Variants in RANBP2 observed in about 807,000 individuals in gnomAD.
RANBP2 encodes RAN binding protein 2.
Under a neutral mutation model 303.6 loss-of-function variants are expected in RANBP2, and 57 were observed. The observed-to-expected ratio is 0.19, with a 90% CI of 0.15 to 0.23. RANBP2 has a LOEUF of 0.23. Ranked by LOEUF, RANBP2 falls within the 10% of genes least tolerant of loss-of-function variation. The pLI is 1.00. For synonymous variants in RANBP2, 1,167 were observed against 1,301.5 expected (o/e 0.90, Z 2.23); for missense variants, 3,138 against 3,780.8 (o/e 0.83, Z 4.46).
At chr2:109,297,245 A>C in the RANBP2 span, among the ~76,000 whole-genome samples, 1 of 152,132 alleles carries the variant, frequency 6.6e-6, no homozygotes, top group African/African-American at 2.4e-5. Flanking sequence ...TGACACCATC[A>C]TCATCATCGT....
chr2:109,615,194 C>G, the RANBP2 span: 1 of 1,548,404 alleles, frequency 6.5e-7, no homozygotes, highest in Non-Finnish European at 8.7e-7. Flanking sequence ...GGGGAGGACG[C>G]GGCAGAGGCG....
At chr2:109,135,217 A>G in the RANBP2 span, among the ~76,000 whole-genome samples, 1 of 151,864 alleles carries the variant, frequency 6.6e-6, no homozygotes, top group African/African-American at 2.4e-5. Flanking sequence ...TTCTTGTTAC[A>G]CCCCTGGGGA....
At chr2:108,786,735 CTGGCACG>C (rs1678816102), downstream of RANBP2, 1 of 1,261,408 alleles carries the variant, frequency 7.9e-7, no homozygotes. Context: ...GGGGCGGGGT[CTGGCACG>C]TCGTGACGCA....
the RANBP2 span, among the ~76,000 whole-genome samples, chr2:109,527,604 G>A: frequency 3.7e-4 from 56 of 152,234 alleles, no homozygotes; most frequent in African/African-American, 1.3e-3. Flanking sequence ...TCATAGTATC[G>A]AATCATGTGA....
chr2:109,165,532 T>A, the RANBP2 span, among the ~76,000 whole-genome samples: 1 of 152,174 alleles, frequency 6.6e-6, no homozygotes, highest in Non-Finnish European at 1.5e-5. Flanking sequence ...CAGCTACACT[T>A]GCTCACAGAT....
the RANBP2 span, among the ~76,000 whole-genome samples, chr2:109,385,277 C>T: frequency 1.3e-5 from 2 of 152,360 alleles, no homozygotes; most frequent in African/African-American, 4.8e-5. Flanking sequence ...GTGCACAAAA[C>T]AGCGCACAAA....
chr2:109,735,921 G>A, the RANBP2 span, among the ~76,000 whole-genome samples: 4 of 152,142 alleles, frequency 2.6e-5, no homozygotes, highest in Non-Finnish European at 4.4e-5. Flanking sequence ...TTTAACACAA[G>A]TGAAATTGCA....
chr2:109,350,527 C>T, the RANBP2 span, among the ~76,000 whole-genome samples: 2 of 152,196 alleles, frequency 1.3e-5, no homozygotes, highest in Admixed American at 6.5e-5. Context: ...CCCCAAAGGG[C>T]GAGGTCGGGC....
the RANBP2 span, among the ~76,000 whole-genome samples, chr2:109,522,558 A>C: frequency 6.6e-6 from 1 of 151,764 alleles, no homozygotes; most frequent in Non-Finnish European, 1.5e-5. Context: ...TGGCCTCCCA[A>C]AGTGCTAGGT....
At chr2:109,159,652 G>A in the RANBP2 span, among the ~76,000 whole-genome samples, 1 of 152,204 alleles carries the variant, frequency 6.6e-6, no homozygotes, top group Non-Finnish European at 1.5e-5. Context: ...CACAGCAGGA[G>A]GTGAGTGGCG....
the RANBP2 span, among the ~76,000 whole-genome samples, chr2:109,401,519 A>G: frequency 6.6e-6 from 1 of 152,212 alleles, no homozygotes; most frequent in African/African-American, 2.4e-5. Context: ...CTATCCTGAC[A>G]AGTATCTGGC....
the RANBP2 span, among the ~76,000 whole-genome samples, chr2:109,604,298 G>A: frequency 1.5e-5 from 2 of 136,684 alleles, no homozygotes; most frequent in Non-Finnish European, 3.1e-5. Context: ...GGTTGAGACT[G>A]CGCCACTGCA....
the RANBP2 span, among the ~76,000 whole-genome samples, chr2:109,072,694 T>C: frequency 1.3e-5 from 2 of 152,316 alleles, no homozygotes; most frequent in South Asian, 4.1e-4. Context: ...ACAGCTCCCC[T>C]TCCCAGCTCA....
At chr2:109,008,001 A>G in the RANBP2 span, among the ~76,000 whole-genome samples, 1 of 152,174 alleles carries the variant, frequency 6.6e-6, no homozygotes, top group Non-Finnish European at 1.5e-5. Context: ...TTTAAACACC[A>G]TGCTTTTAAA....
chr2:108,869,806 G>A, the RANBP2 span, among the ~76,000 whole-genome samples: 45 of 152,282 alleles, frequency 3.0e-4, 1 homozygote, highest in African/African-American at 9.9e-4. Flanking sequence ...TTGATAAGTA[G>A]TGAAGGCCTT....
At chr2:109,661,157 C>T in the RANBP2 span, among the ~76,000 whole-genome samples, 3 of 152,286 alleles carry the variant, frequency 2.0e-5, no homozygotes, top group East Asian at 5.8e-4. Context: ...TATGGAAGCT[C>T]TGCCACCTTC....
At chr2:108,726,832 ACT>A (rs1259003963) in intron 1 of RANBP2, among the ~76,000 whole-genome samples, 2 of 151,652 alleles carry the variant, frequency 1.3e-5, no homozygotes, top group African/African-American at 4.9e-5. Flanking sequence ...AGTGGTGATG[ACT>A]CTTAACGAGC....
At chr2:108,732,633 C>T (rs1361280530) in intron 4 of RANBP2, among the ~76,000 whole-genome samples, 2 of 152,096 alleles carry the variant, frequency 1.3e-5, no homozygotes, top group African/African-American at 4.8e-5. Flanking sequence ...TTCATACCAC[C>T]ACTGCAGTCA....
intron 1 of RANBP2, among the ~76,000 whole-genome samples, chr2:108,727,230 G>A (rs1438616666): frequency 1.3e-5 from 2 of 152,212 alleles, no homozygotes; most frequent in African/African-American, 4.8e-5. Context: ...GCGCCCCTCA[G>A]AAGAGGTGAG....
Sources: allele counts gnomAD v4.1 joint callset (sites outside exome capture counted in the v4.1 genomes callset), GRCh38; gene constraint gnomAD v4.1.1; transcripts MANE v1.5; gene names NCBI Gene and HGNC (gene_info 2026-07-23, HGNC 2026-07-21).